The following NPAS3 variants were observed in gnomAD, a reference collection of about 807,000 sequenced individuals.
NPAS3 encodes neuronal PAS domain-containing protein 3.
In NPAS3, 14 loss-of-function variants were observed where a neutral mutation model predicts 73.1. The ratio of observed to expected loss-of-function variants is 0.19; its 90% confidence interval spans 0.13 to 0.30. NPAS3 has a LOEUF of 0.30. NPAS3 is among the 10% of genes least tolerant of loss of function. The pLI, the probability that NPAS3 is intolerant of heterozygous loss-of-function variation, is 1.00. For missense variants in NPAS3, 1,096 were observed against 1,250.0 expected (o/e 0.88, Z 1.86); for synonymous variants, 620 against 541.5 (o/e 1.14, Z -2.01).
In NPAS3 at chr14:33,757,563, G is replaced by C. The variant is rs576972013; in HGVS notation, c.853-16774G>C. 1.7e-4 allele frequency among the ~76,000 whole-genome samples: 26 copies of C among 152,240 alleles called. No individual in the cohort carries two copies. The East Asian group carries it at 4.6e-3, about 27-fold the overall frequency. ...GATGGGGGAAAAAATGAGAGAGACC[G>C]GTTAGGCAGCTGCCCACCCAATTGT... On this transcript the variant is annotated intron_variant, in intron 7 of 11. Transcript: ENST00000356141.
intron 1 of NPAS3, among the ~76,000 whole-genome samples, chr14:32,967,467 T>A (rs376984348): frequency 6.6e-6 from 1 of 152,070 alleles, no homozygotes; most frequent in South Asian, 2.1e-4. Context: ...TTGTTCAAGG[T>A]TCAACTGTAT....
chr14:33,053,091 C>T (rs868188728), intron 1 of NPAS3, among the ~76,000 whole-genome samples: 2 of 152,132 alleles, frequency 1.3e-5, no homozygotes, highest in South Asian at 4.1e-4. Context: ...GTCATCTGTT[C>T]TTGTTTGCAC....
At chr14:33,793,756 T>C (rs914986711) in intron 9 of NPAS3, 141 bp from the exon 10 acceptor site, 18 of 652,044 alleles carry the variant, frequency 2.8e-5, no homozygotes, top group Non-Finnish European at 4.5e-5. Flanking sequence ...TGGCATTCTA[T>C]ATTAAGCATA....
chr14:33,454,501 A>C (rs904502133), intron 4 of NPAS3, among the ~76,000 whole-genome samples: 2 of 152,234 alleles, frequency 1.3e-5, no homozygotes, highest in African/African-American at 4.8e-5. Flanking sequence ...TCTCAGAACA[A>C]CACCAGGGAT....
chr14:33,455,308 G>T (rs1251329813), intron 4 of NPAS3, among the ~76,000 whole-genome samples: 3 of 152,156 alleles, frequency 2.0e-5, no homozygotes, highest in Non-Finnish European at 4.4e-5. Context: ...AGATGGTTTT[G>T]GGGGGTGGGT....
intron 6 of NPAS3, among the ~76,000 whole-genome samples, chr14:33,706,562 A>G (rs2060661828): frequency 6.6e-6 from 1 of 152,194 alleles, no homozygotes; most frequent in Non-Finnish European, 1.5e-5. Flanking sequence ...ATAGGAGTAA[A>G]ATGAATAAAT....
chr14:33,641,906 G>T (rs941750844), intron 5 of NPAS3, among the ~76,000 whole-genome samples: 5 of 152,038 alleles, frequency 3.3e-5, no homozygotes, highest in Non-Finnish European at 5.9e-5. Flanking sequence ...TGACCATATT[G>T]TCTTGCAGAA....
chr14:33,670,270 T>C (rs2059574761), intron 5 of NPAS3, among the ~76,000 whole-genome samples: 1 of 152,230 alleles, frequency 6.6e-6, no homozygotes, highest in Non-Finnish European at 1.5e-5. Flanking sequence ...TTCGTGTTCT[T>C]ATTTGATGAC....
chr14:33,072,225 T>G (rs745930826), intron 2 of NPAS3, among the ~76,000 whole-genome samples: 2 of 152,200 alleles, frequency 1.3e-5, no homozygotes, highest in Non-Finnish European at 2.9e-5. Context: ...AACTTTGCTT[T>G]TAAATAACGG....
At chr14:32,959,976 A>T (rs959860890) in intron 1 of NPAS3, among the ~76,000 whole-genome samples, 7 of 131,320 alleles carry the variant, frequency 5.3e-5, no homozygotes, top group East Asian at 4.5e-4. Flanking sequence ...GTGAGTTTCA[A>T]TTTTTTTTTT....
chr14:33,351,638 T>C (rs1268923002), intron 3 of NPAS3, among the ~76,000 whole-genome samples: 1 of 152,272 alleles, frequency 6.6e-6, no homozygotes, highest in Non-Finnish European at 1.5e-5. Context: ...CTTCTTTTTG[T>C]GTACTCTCAC....
chr14:33,540,499 T>C (rs1213614363), intron 4 of NPAS3, among the ~76,000 whole-genome samples: 2 of 152,248 alleles, frequency 1.3e-5, no homozygotes, highest in Admixed American at 6.5e-5. Flanking sequence ...CCAAGGAGCC[T>C]ATTTTTAAGC....
chr14:33,031,369 G>A (rs10143962), intron 1 of NPAS3, among the ~76,000 whole-genome samples: 24,977 of 152,144 alleles, frequency 0.16, 2,359 homozygotes, highest in East Asian at 0.29. Context: ...CGGTTAAGTG[G>A]ATGCCAATGT....
intron 3 of NPAS3, among the ~76,000 whole-genome samples, chr14:33,301,223 C>T (rs1255854529): frequency 6.7e-6 from 1 of 149,780 alleles, no homozygotes; most frequent in South Asian, 2.1e-4. Context: ...TCCATATCCC[C>T]CTGACGCTGC....
chr14:32,977,047 A>AACACACACACACACACACAC (rs10628639), intron 1 of NPAS3, among the ~76,000 whole-genome samples: 4 of 149,308 alleles, frequency 2.7e-5, no homozygotes, highest in African/African-American at 4.9e-5. Context: ...TGGTCAAGGT[A>AACACACACACACACACACAC]ACACACACAC....
chr14:33,646,731 GT>G (rs2140211001), intron 5 of NPAS3, among the ~76,000 whole-genome samples: 1 of 152,318 alleles, frequency 6.6e-6, no homozygotes, highest in South Asian at 2.1e-4. Flanking sequence ...GCCTTTGTTT[GT>G]GGTCTTTGGT....
chr14:33,109,783 G>A (rs78929761), intron 2 of NPAS3, among the ~76,000 whole-genome samples: 1,881 of 139,128 alleles, frequency 0.014, 44 homozygotes, highest in African/African-American at 0.047. Flanking sequence ...CCTTATACAC[G>A]TTACCTCTTA....
intron 2 of NPAS3, among the ~76,000 whole-genome samples, chr14:33,136,197 A>G (rs1302600374): frequency 6.6e-6 from 1 of 151,310 alleles, no homozygotes; most frequent in Non-Finnish European, 1.5e-5. Flanking sequence ...AGAACCTGGG[A>G]CTACAGGCGC....
At chr14:33,054,978 A>G (rs2040837648) in intron 1 of NPAS3, among the ~76,000 whole-genome samples, 1 of 152,146 alleles carries the variant, frequency 6.6e-6, no homozygotes, top group Admixed American at 6.5e-5. Context: ...AGAAGATATT[A>G]AGTATCTACT....
Sources: allele counts gnomAD v4.1 joint callset (sites outside exome capture counted in the v4.1 genomes callset), GRCh38; gene constraint gnomAD v4.1.1; transcripts MANE v1.5; gene names NCBI Gene and HGNC (gene_info 2026-07-23, HGNC 2026-07-21).